PPP2R5B: variants seen among roughly 807,000 people sequenced by gnomAD.
PPP2R5B encodes protein phosphatase 2 regulatory subunit B'beta.
PPP2R5B carries 19 observed loss-of-function variants against 59.9 expected under a neutral mutation model. The ratio of observed to expected loss-of-function variants is 0.32; its 90% CI spans 0.22 to 0.47. The LOEUF (loss-of-function observed/expected upper bound fraction) is 0.47. PPP2R5B is among the 20% of genes least tolerant of loss of function. The pLI, the probability that PPP2R5B is intolerant of heterozygous loss-of-function variation, is 1.00. For synonymous variants in PPP2R5B, 286 were observed against 260.5 expected, an observed-to-expected ratio of 1.10 and a Z score of -0.94; for missense variants, 441 against 640.2, an observed-to-expected ratio of 0.69 and a Z score of 3.36.
intron 1 of PPP2R5B, among the ~76,000 whole-genome samples, chr11:64,919,275 G>A (rs1408984837): frequency 1.3e-5 from 2 of 152,002 alleles, no homozygotes; most frequent in Admixed American, 6.6e-5. Context: ...CCTGGGAGGC[G>A]GAGCTTGTGG....
At position 64,925,690 on chromosome 11, in the gene PPP2R5B, G is replaced by A. The variant is rs1945154441; in HGVS notation, c.-45G>A. ...TCACCCAGCACCTCCCAGGCCCAGAGAGAACCCCCGGGGCTCTGAAAGCTT... is the reference window on the plus strand; with the variant it reads ...TCACCCAGCACCTCCCAGGCCCAGAAAGAACCCCCGGGGCTCTGAAAGCTT... On this transcript the variant is annotated 5_prime_UTR_variant, in exon 2 of 14. Coordinates refer to ENST00000164133, the MANE Select transcript of PPP2R5B (RefSeq NM_006244.4). This position sits in a 1 kb window ranked among gnomAD's most constrained non-coding sequence, Gnocchi z 4.6. 1 of 1,242,414 alleles carries A rather than the reference G, an allele frequency of 8.0e-7. No individual in the cohort carries two copies. The highest frequency in any genetic ancestry group is 1.1e-6 in the Non-Finnish European group (1 of 870,058). The allele number at this position is 1,242,414 out of a possible 1,614,324, so 77.0% of individuals were successfully genotyped here. A position where few individuals can be genotyped will look rare whatever the true frequency, so the allele number is the denominator to read the frequency against.
In PPP2R5B at chr11:64,930,603, C is replaced by A. The variant is rs771939996; in HGVS notation, c.891+14C>A. On this transcript the variant is annotated intron_variant, in intron 8 of 13. Transcript: ENST00000164133. ...TTCCATGCCCAGGTGAGGCCCAGGC[C>A]TGTCCCTGCTGCAGCAGGAGCTCCA... is the stretch of plus-strand genomic sequence containing the variant. 6.2e-6 allele frequency: 10 copies of A among 1,605,580 alleles called. No homozygotes were observed. Among genetic ancestry groups the A allele is most frequent in the East Asian group, 2.2e-5 (1 of 44,848 alleles).
rs762086809 is a variant in PPP2R5B at position 64,928,172 on chromosome 11, C to T, written c.591+14C>T. 2 of 1,613,950 alleles carry T rather than the reference C, an allele frequency of 1.2e-6. No homozygotes were observed. Among genetic ancestry groups the T allele is most frequent in the East Asian group, 2.2e-5 (1 of 44,880 alleles). Reference sequence around the variant, plus strand: ...TTTGTCCTGATGGTGAAGTGGGGAGCCCAGGCTGGGTGGTACCACAAGGCA... The same window carrying T: ...TTTGTCCTGATGGTGAAGTGGGGAGTCCAGGCTGGGTGGTACCACAAGGCA... On this transcript the variant is annotated intron_variant, in intron 5 of 13. Coordinates refer to ENST00000164133, the MANE Select transcript of PPP2R5B (RefSeq NM_006244.4).
At position 64,925,975 on chromosome 11, in the gene PPP2R5B, G is replaced by C; in HGVS notation, c.199+42G>C. On this transcript the variant is annotated intron_variant, in intron 2 of 13. Coordinates refer to ENST00000164133, the MANE Select transcript of PPP2R5B (RefSeq NM_006244.4). This position sits in a 1 kb window ranked among gnomAD's most constrained non-coding sequence, Gnocchi z 4.6. ...CCACTGGGGGAACCGAACCCCCGAG[G>C]GGACCAGCAGGGCCATGGGGAGGGG... The C allele has an allele frequency of 6.4e-7, 1 of 1,573,110 alleles. No homozygotes were observed. Among genetic ancestry groups the C allele is most frequent in the South Asian group, 1.1e-5 (1 of 87,810 alleles).
At chr11:64,927,357 A>T (rs866577848) in intron 3 of PPP2R5B, among the ~76,000 whole-genome samples, 1 of 152,340 alleles carries the variant, frequency 6.6e-6, no homozygotes, top group South Asian at 2.1e-4. Context: ...CTAGGCGTTC[A>T]GGTGATGATT....
Position 64,925,640 on chromosome 11 carries a change from T to G in PPP2R5B, c.-95T>G. 5 of 464,634 alleles carry G rather than the reference T, an allele frequency of 1.1e-5. No homozygotes were observed. The highest frequency in any genetic ancestry group is 7.1e-5 in the East Asian group (1 of 14,174). 28.8% of individuals were successfully genotyped at this position (464,634 alleles called of 1,614,324 possible). On this transcript the variant is annotated 5_prime_UTR_variant, in exon 2 of 14. The change abolishes an upstream ATG in the 5' untranslated region. Coordinates refer to ENST00000164133, the MANE Select transcript of PPP2R5B (RefSeq NM_006244.4). This position sits in a 1 kb window ranked among gnomAD's most constrained non-coding sequence, Gnocchi z 4.6. ...CCCCCCCCCCAAAGGCCGGACAGGA[T>G]GGGACCAAGTTAGTCTGTCCAGTCT...
At chr11:64,922,321 CA>C (rs11365186), upstream of PPP2R5B, among the ~76,000 whole-genome samples, 144,392 of 151,942 alleles carry the variant, frequency 0.95, 69,033 homozygotes, top group East Asian at 1. Flanking sequence ...CTGTCTCTAC[CA>C]AAAAAAACAA....
chr11:64,927,610 G>GT (rs1343850363), intron 3 of PPP2R5B, 192 bp from the exon 4 acceptor site: 8 of 582,376 alleles, frequency 1.4e-5, no homozygotes, highest in East Asian at 5.8e-5. Context: ...GGCTGAGGTG[G>GT]GAGGATCGCT....
chr11:64,925,972 G>A lies in PPP2R5B; in HGVS notation c.199+39G>A, dbSNP rs368774086. ...TGGCCACTGGGGGAACCGAACCCCC[G>A]AGGGGACCAGCAGGGCCATGGGGAG... On this transcript the variant is annotated intron_variant, in intron 2 of 13. Coordinates refer to ENST00000164133, the MANE Select transcript of PPP2R5B (RefSeq NM_006244.4). The surrounding 1 kb of genome is among the most constrained non-coding windows in gnomAD (Gnocchi z 4.6). 54 of 1,582,730 alleles carry A rather than the reference G, an allele frequency of 3.4e-5. No individual in the cohort carries two copies. Among genetic ancestry groups the A allele is most frequent in the African/African-American group, 1.2e-4 (9 of 74,368 alleles).
intron 13 of PPP2R5B, 80 bp from the exon 14 acceptor site, chr11:64,933,617 A>AGTGAGGGAGTCTGGACT (rs912710938): frequency 6.9e-6 from 10 of 1,452,706 alleles, no homozygotes; most frequent in African/African-American, 1.4e-5. Context: ...GTGGGGTGGT[A>AGTGAGGGAGTCTGGACT]GTGAGGGAGT....
intron 6 of PPP2R5B, among the ~76,000 whole-genome samples, chr11:64,929,982 T>C (rs1188056401): frequency 6.6e-6 from 1 of 152,208 alleles, no homozygotes; most frequent in Non-Finnish European, 1.5e-5. Context: ...TTCATCCATG[T>C]GATGGATTTC....
At chr11:64,922,024 T>C (rs1310955405), upstream of PPP2R5B, among the ~76,000 whole-genome samples, 3 of 151,952 alleles carry the variant, frequency 2.0e-5, no homozygotes, top group Non-Finnish European at 4.4e-5. Flanking sequence ...CTGGGCAACA[T>C]AGCAAAACCC....
chr11:64,928,024 G>A (rs1945187198), intron 4 of PPP2R5B, 42 bp from the exon 5 acceptor site: 1 of 1,593,890 alleles, frequency 6.3e-7, no homozygotes, highest in African/African-American at 1.3e-5. Flanking sequence ...AGTGGGTGAG[G>A]CTGTTACTGA....
intron 6 of PPP2R5B, 125 bp downstream of exon 6, chr11:64,928,550 G>A (rs1206200201): frequency 2.8e-6 from 4 of 1,426,652 alleles, no homozygotes; most frequent in Admixed American, 3.7e-5. Flanking sequence ...GCCGAGGTGG[G>A]TGGATCACCT....
intron 8 of PPP2R5B, 76 bp downstream of exon 8, chr11:64,930,665 T>A: frequency 1.8e-5 from 22 of 1,198,782 alleles, no homozygotes; most frequent in Non-Finnish European, 2.7e-5. Flanking sequence ...GGAGGTCAGA[T>A]CCTCCAGGGA....
At chr11:64,930,036 G>A (rs746649938) in intron 6 of PPP2R5B, among the ~76,000 whole-genome samples, 9 of 152,172 alleles carry the variant, frequency 5.9e-5, no homozygotes, top group Non-Finnish European at 1.3e-4. Flanking sequence ...TACATGGTAC[G>A]GAGTAGATGT....
chr11:64,932,878 GGA>G lies in PPP2R5B; in HGVS notation c.1232_1233del (p.Glu411AlafsTer26), dbSNP rs1218908691. The G allele has an allele frequency of 6.2e-7, 1 of 1,614,132 alleles. No homozygotes were observed. Among genetic ancestry groups the G allele is most frequent in the Non-Finnish European group, 8.5e-7 (1 of 1,180,002 alleles). On this transcript the variant is annotated frameshift_variant, in exon 12 of 14. Coordinates refer to ENST00000164133, the MANE Select transcript of PPP2R5B (RefSeq NM_006244.4). LOFTEE classifies it high-confidence loss of function. The part of the protein sequence containing the change: ...VFGTLYQVSK[E>X]HWNQTIVSLI... ...TTGGGACCCTCTACCAAGTCTCCAA[GGA>G]GCACTGGAACCAGTGAGTGCCAGGC...
upstream of PPP2R5B, among the ~76,000 whole-genome samples, chr11:64,921,450 C>G (rs1945109546): frequency 6.6e-6 from 1 of 152,204 alleles, no homozygotes; most frequent in African/African-American, 2.4e-5. Context: ...TAGGTGAAAA[C>G]TCATCAGGCA....
chr11:64,928,407 G>A lies in PPP2R5B; in HGVS notation c.704G>A (p.Cys235Tyr). ...LGLRAYIRKQ[C>Y]NHIFLRFIYE... ...CTCCGGGCCTACATCCGCAAACAGT[G>A]CAACCACATCTTCCTCCGGTGAGTG... Residue 235 changes from cysteine (C) to tyrosine (Y), a missense_variant, in exon 6 of 14, where the codon TGC becomes TAC. Around this residue, in one of 3 missense-constraint regions of PPP2R5B, gnomAD observed 268 missense variants for 488.1 expected, o/e 0.55. Transcript: ENST00000164133. 6.2e-7 allele frequency: 1 copy of A among 1,614,208 alleles called. No homozygotes were observed. Among genetic ancestry groups the A allele is most frequent in the Non-Finnish European group, 8.5e-7 (1 of 1,180,024 alleles).
Sources: gnomAD v4.1 joint callset for allele counts (sites outside exome capture counted in the v4.1 genomes callset) on GRCh38, gnomAD v4.1.1 for gene constraint, gnomAD v4.1.1 regional missense constraint, Gnocchi (gnomAD v3.1) non-coding constraint, MANE v1.5 for transcripts, NCBI Gene and HGNC (gene_info 2026-07-23, HGNC 2026-07-21) for gene names.